The following SLC16A9 variants were observed in gnomAD, a reference collection of about 807,000 sequenced individuals.
SLC16A9 encodes the protein monocarboxylate transporter 9.
In SLC16A9, 26 loss-of-function variants were observed where a neutral mutation model predicts 44.3. The observed-to-expected ratio is 0.59, with a 90% confidence interval of 0.43 to 0.81. SLC16A9 has a LOEUF of 0.81. SLC16A9 is among the 40% of genes least tolerant of loss of function. The probability of loss-of-function intolerance (pLI) is 0.00; values close to 1 mark genes in which losing one functional copy is unlikely to be tolerated. For missense variants in SLC16A9, 559 were observed against 595.8 expected (o/e 0.94, Z 0.64); for synonymous variants, 230 against 225.1 (o/e 1.02, Z -0.19).
chr10:59,706,346 C>T (rs984193151), intron 1 of SLC16A9, among the ~76,000 whole-genome samples: 1 of 150,686 alleles, frequency 6.6e-6, no homozygotes, highest in Non-Finnish European at 1.5e-5. Flanking sequence ...GAAGAAAAGG[C>T]TAAGTAGCTC....
At chr10:59,695,199 G>A (rs1020546823) in intron 1 of SLC16A9, among the ~76,000 whole-genome samples, 1 of 152,032 alleles carries the variant, frequency 6.6e-6, no homozygotes, top group African/African-American at 2.4e-5. Context: ...TGCATATGAG[G>A]TTTCTTCGGG....
chr10:59,694,833 C>CATATAT (rs3043432), intron 1 of SLC16A9, among the ~76,000 whole-genome samples: 5 of 100,096 alleles, frequency 5.0e-5, no homozygotes, highest in Non-Finnish European at 1.1e-4. Flanking sequence ...CACACACACA[C>CATATAT]ATATATATAC....
intron 1 of SLC16A9, among the ~76,000 whole-genome samples, chr10:59,696,737 G>A (rs61863099): frequency 6.6e-6 from 1 of 151,732 alleles, no homozygotes; most frequent in African/African-American, 2.4e-5. Context: ...GATGTGAGGA[G>A]TGTCTCTGCC....
chr10:59,680,373 T>C (rs1839960824), intron 2 of SLC16A9, among the ~76,000 whole-genome samples: 1 of 152,222 alleles, frequency 6.6e-6, no homozygotes, highest in Non-Finnish European at 1.5e-5. Context: ...TAGGACTTTA[T>C]GTTTCACATG....
chr10:59,709,261 T>C (rs1840711894), intron 1 of SLC16A9, among the ~76,000 whole-genome samples: 1 of 152,038 alleles, frequency 6.6e-6, no homozygotes, highest in Non-Finnish European at 1.5e-5. Flanking sequence ...CTTGCCCACT[T>C]TGTAGAAGCA....
At chr10:59,691,248 G>C (rs1263215679) in intron 1 of SLC16A9, among the ~76,000 whole-genome samples, 1 of 152,112 alleles carries the variant, frequency 6.6e-6, no homozygotes, top group African/African-American at 2.4e-5. Context: ...CTACATTCTA[G>C]TAAACTATTT....
chr10:59,665,977 C>T (rs1052114957), intron 3 of SLC16A9, among the ~76,000 whole-genome samples: 5 of 151,948 alleles, frequency 3.3e-5, no homozygotes, highest in African/African-American at 4.8e-5. Context: ...AAATCTGAAA[C>T]ACATTTACTT....
intron 2 of SLC16A9, among the ~76,000 whole-genome samples, chr10:59,677,091 C>A (rs1227112312): frequency 2.0e-5 from 1 of 50,288 alleles, no homozygotes; most frequent in Non-Finnish European, 3.7e-5. Flanking sequence ...TCATACATTT[C>A]CTCTATCATT....
At chr10:59,666,980 T>C (rs1839634175) in intron 3 of SLC16A9, among the ~76,000 whole-genome samples, 1 of 152,138 alleles carries the variant, frequency 6.6e-6, no homozygotes, top group South Asian at 2.1e-4. Context: ...TTGGTAATAT[T>C]AACCAAAGTG....
intron 4 of SLC16A9, among the ~76,000 whole-genome samples, chr10:59,661,400 G>A (rs1266320192): frequency 2.0e-5 from 3 of 152,082 alleles, no homozygotes; most frequent in Admixed American, 6.6e-5. Flanking sequence ...CCATTCACAT[G>A]CTACATAGAG....
chr10:59,697,494 T>C (rs978580478), intron 1 of SLC16A9, among the ~76,000 whole-genome samples: 12 of 151,642 alleles, frequency 7.9e-5, no homozygotes, highest in Non-Finnish European at 1.3e-4. Flanking sequence ...GGATTAAGGG[T>C]GGTGCAAGAT....
intron 1 of SLC16A9, among the ~76,000 whole-genome samples, chr10:59,690,045 G>C (rs1840218307): frequency 2.0e-5 from 3 of 152,072 alleles, no homozygotes. Flanking sequence ...AAATTAGCTG[G>C]GTGTGGTGGC....
intron 2 of SLC16A9, among the ~76,000 whole-genome samples, chr10:59,681,230 G>C (rs891844301): frequency 8.6e-5 from 13 of 151,890 alleles, no homozygotes; most frequent in Non-Finnish European, 1.8e-4. Context: ...TCATAAAGCT[G>C]ATGGTCAGTG....
At chr10:59,694,219 G>A (rs1412348076) in intron 1 of SLC16A9, among the ~76,000 whole-genome samples, 5 of 152,146 alleles carry the variant, frequency 3.3e-5, no homozygotes, top group Admixed American at 6.5e-5. Context: ...GATTATAGGC[G>A]TGAGCCACCA....
At chr10:59,666,871 C>CAA (rs34639816) in intron 3 of SLC16A9, among the ~76,000 whole-genome samples, 114 of 114,894 alleles carry the variant, frequency 9.9e-4, no homozygotes, top group East Asian at 3.3e-3. Flanking sequence ...TATTTTCCAG[C>CAA]AAAAAAAAAA....
intron 1 of SLC16A9, among the ~76,000 whole-genome samples, chr10:59,702,176 A>T (rs1449135195): frequency 1.3e-5 from 2 of 152,238 alleles, no homozygotes; most frequent in Admixed American, 6.5e-5. Context: ...GTGCATTTAG[A>T]AGGCATTGTG....
chr10:59,687,530 T>C (rs1840160281), intron 1 of SLC16A9, among the ~76,000 whole-genome samples: 1 of 152,256 alleles, frequency 6.6e-6, no homozygotes, highest in African/African-American at 2.4e-5. Flanking sequence ...CCATGAATTA[T>C]TGGATTAAAT....
chr10:59,697,455 A>C (rs895475367), intron 1 of SLC16A9, among the ~76,000 whole-genome samples: 9 of 151,888 alleles, frequency 5.9e-5, no homozygotes, highest in African/African-American at 1.9e-4. Flanking sequence ...GCTCTCTGAA[A>C]CATGTGCTGT....
intron 1 of SLC16A9, among the ~76,000 whole-genome samples, chr10:59,690,628 A>G (rs1347390103): frequency 6.6e-6 from 1 of 152,204 alleles, no homozygotes; most frequent in African/African-American, 2.4e-5. Context: ...GGCAGTTCTT[A>G]CAGGGCTCAC....
Sources: gnomAD v4.1 joint callset for allele counts (sites outside exome capture counted in the v4.1 genomes callset) on GRCh38, gnomAD v4.1.1 for gene constraint, MANE v1.5 for transcripts, NCBI Gene and HGNC (gene_info 2026-07-23, HGNC 2026-07-21) for gene names.